PRKCH: variants seen among roughly 807,000 people sequenced by gnomAD.
PRKCH encodes protein kinase C eta.
PRKCH carries 28 observed loss-of-function variants against 82.5 expected under a neutral mutation model. The ratio of observed to expected loss-of-function variants is 0.34; its 90% CI spans 0.25 to 0.47. The LOEUF (loss-of-function observed/expected upper bound fraction) is 0.47, where lower values mean the gene tolerates loss of function less well. PRKCH is among the 20% of genes least tolerant of loss of function. PRKCH has a pLI of 1.00. For missense variants in PRKCH, 705 were observed against 881.8 expected (o/e 0.80, Z 2.54); for synonymous variants, 322 against 327.4 (o/e 0.98, Z 0.18).
intron 9 of PRKCH, among the ~76,000 whole-genome samples, chr14:61,471,127 G>A (rs1194192885): frequency 6.6e-6 from 1 of 152,262 alleles, no homozygotes; most frequent in Non-Finnish European, 1.5e-5. Flanking sequence ...CTCTCTGTCT[G>A]CTGTCTATAG....
chr14:61,364,543 A>G (rs563277072), intron 1 of PRKCH, among the ~76,000 whole-genome samples: 1 of 152,058 alleles, frequency 6.6e-6, no homozygotes, highest in African/African-American at 2.4e-5. Flanking sequence ...TGCTTTTAAG[A>G]ATAGGAATGG....
intron 1 of PRKCH, among the ~76,000 whole-genome samples, chr14:61,218,486 G>T (rs377755470): frequency 2.2e-4 from 33 of 152,284 alleles, no homozygotes; most frequent in African/African-American, 7.9e-4. Flanking sequence ...AAATGAACCA[G>T]ATTTATGGGC....
At chr14:61,223,971 C>T (rs1239076859) in intron 1 of PRKCH, among the ~76,000 whole-genome samples, 1 of 152,166 alleles carries the variant, frequency 6.6e-6, no homozygotes, top group Non-Finnish European at 1.5e-5. Context: ...CATTGTTGCT[C>T]TCATTCAACA....
At chr14:61,390,839 G>GT (rs1024291203) in intron 1 of PRKCH, 1 of 183,474 alleles carries the variant, frequency 5.5e-6, no homozygotes, top group African/African-American at 2.4e-5. Context: ...TCATTACCTT[G>GT]TATGTTGCCG....
Position 61,457,611 on chromosome 14 carries a change from A to G in PRKCH, c.1210A>G (p.Lys404Glu), listed in dbSNP as rs1884837277. Residue 404 changes from lysine to glutamate, a missense_variant, in exon 9 of 14, where the codon AAA becomes GAA. Physicochemically the swap from Lys to Glu is moderately conservative, Grantham distance 56. Transcript: ENST00000332981. ...DDDVECTMTE[K>E]RILSLARNHP... ...TGATGTGGAATGCACCATGACCGAG[A>G]AAAGGATCCTGTCTCTGGCCCGCAA... The G allele has an allele frequency of 6.2e-7, 1 of 1,614,150 alleles. No homozygotes were observed. The highest frequency in any genetic ancestry group is 8.5e-7 in the Non-Finnish European group (1 of 1,180,028).
intron 1 of PRKCH, among the ~76,000 whole-genome samples, chr14:61,221,761 T>G (rs2044657750): frequency 6.6e-6 from 1 of 152,160 alleles, no homozygotes; most frequent in African/African-American, 2.4e-5. Context: ...GACCCCCCAG[T>G]GTCACCCCTG....
intron 10 of PRKCH, among the ~76,000 whole-genome samples, chr14:61,495,239 A>G (rs920254966): frequency 1.3e-5 from 2 of 152,240 alleles, no homozygotes; most frequent in Non-Finnish European, 2.9e-5. Context: ...GGACACCTTG[A>G]TCATTTTTCT....
chr14:61,509,983 A>G (rs1887306464), intron 10 of PRKCH, among the ~76,000 whole-genome samples: 1 of 152,088 alleles, frequency 6.6e-6, no homozygotes, highest in Admixed American at 6.5e-5. Context: ...CCTTGAGGAG[A>G]TGACACTTGA....
chr14:61,525,468 G>A (rs1462504197), intron 10 of PRKCH, among the ~76,000 whole-genome samples: 1 of 152,172 alleles, frequency 6.6e-6, no homozygotes, highest in Non-Finnish European at 1.5e-5. Context: ...ACCAGGATGA[G>A]TCACATCCCT....
intron 4 of PRKCH, among the ~76,000 whole-genome samples, chr14:61,446,413 C>T (rs1671173574): frequency 6.6e-6 from 1 of 152,210 alleles, no homozygotes; most frequent in African/African-American, 2.4e-5. Context: ...ACATGAGTAT[C>T]ATCACATAGT....
intron 1 of PRKCH, among the ~76,000 whole-genome samples, chr14:61,313,702 A>C (rs2045541685): frequency 6.6e-6 from 1 of 152,196 alleles, no homozygotes; most frequent in South Asian, 2.1e-4. Context: ...GGCAAGGAGA[A>C]GCAAGTCACA....
At chr14:61,247,191 A>G (rs1408281941) in intron 1 of PRKCH, among the ~76,000 whole-genome samples, 2 of 152,196 alleles carry the variant, frequency 1.3e-5, no homozygotes, top group African/African-American at 4.8e-5. Context: ...TCAAAAATAT[A>G]TGATAAACTA....
At chr14:61,366,559 T>G (rs917075727) in intron 1 of PRKCH, among the ~76,000 whole-genome samples, 1 of 152,096 alleles carries the variant, frequency 6.6e-6, no homozygotes. Context: ...AGCCTGACAC[T>G]CAGCATTTTG....
At chr14:61,274,044 T>C (rs758478973) in intron 1 of PRKCH, among the ~76,000 whole-genome samples, 4 of 152,160 alleles carry the variant, frequency 2.6e-5, no homozygotes, top group African/African-American at 4.8e-5. Flanking sequence ...TCTAGGCACA[T>C]AGCAAATGCT....
chr14:61,525,785 A>G (rs1378142935), intron 10 of PRKCH: 2 of 152,090 alleles, frequency 1.3e-5, no homozygotes, highest in Non-Finnish European at 2.9e-5. Context: ...AAATTCAGAA[A>G]CTCAGTGACC....
chr14:61,378,097 T>TGGTC (rs2046448900), intron 1 of PRKCH, among the ~76,000 whole-genome samples: 1 of 152,236 alleles, frequency 6.6e-6, no homozygotes, highest in African/African-American at 2.4e-5. Context: ...TGACTCAGAA[T>TGGTC]GGTCTCACTT....
upstream of PRKCH, among the ~76,000 whole-genome samples, chr14:61,320,099 G>A (rs1435933745): frequency 2.0e-5 from 3 of 152,158 alleles, no homozygotes; most frequent in Non-Finnish European, 4.4e-5. Context: ...GGCAGGGGCT[G>A]GAAGATCACT....
intron 1 of PRKCH, among the ~76,000 whole-genome samples, chr14:61,294,208 C>T (rs1426452056): frequency 1.3e-5 from 2 of 152,070 alleles, no homozygotes; most frequent in African/African-American, 4.8e-5. Context: ...GCAAGCTCCA[C>T]CTCCTGGGTT....
chr14:61,363,224 C>T (rs7140359), intron 1 of PRKCH, among the ~76,000 whole-genome samples: 21,785 of 152,154 alleles, frequency 0.14, 2,915 homozygotes, highest in African/African-American at 0.35. Flanking sequence ...TCTATGAAGG[C>T]TTAGAGCATA....
Sources: gnomAD v4.1 joint callset for allele counts (sites outside exome capture counted in the v4.1 genomes callset) on GRCh38, gnomAD v4.1.1 for gene constraint, MANE v1.5 for transcripts, NCBI Gene and HGNC (gene_info 2026-07-23, HGNC 2026-07-21) for gene names.